ADCY5: variants seen among roughly 807,000 people sequenced by gnomAD.
The protein encoded by ADCY5 is adenylate cyclase type 5.
Under a neutral mutation model 119.7 loss-of-function variants are expected in ADCY5, and 30 were observed. The observed-to-expected ratio is 0.25, with a 90% CI of 0.19 to 0.34. The LOEUF (loss-of-function observed/expected upper bound fraction) is 0.34, where lower values mean the gene tolerates loss of function less well. Ranked by LOEUF, ADCY5 falls within the 10% of genes least tolerant of loss-of-function variation. ADCY5 has a pLI of 1.00. For synonymous variants in ADCY5, 753 were observed against 762.2 expected (o/e 0.99, Z 0.20); for missense variants, 1,324 against 1,775.2 (o/e 0.75, Z 4.57).
intron 1 of ADCY5, among the ~76,000 whole-genome samples, chr3:123,447,189 G>C (rs1416026888): frequency 6.6e-6 from 1 of 152,202 alleles, no homozygotes; most frequent in African/African-American, 2.4e-5. Context: ...CGTTATCTAA[G>C]GGGCAAGGAA....
At chr3:123,358,793 C>G (rs1050234195) in intron 1 of ADCY5, among the ~76,000 whole-genome samples, 3 of 152,190 alleles carry the variant, frequency 2.0e-5, no homozygotes, top group African/African-American at 7.2e-5. Context: ...CCCAGCACTT[C>G]TGAAACCCAA....
intron 1 of ADCY5, among the ~76,000 whole-genome samples, chr3:123,427,282 G>T (rs1240526958): frequency 6.6e-6 from 1 of 152,084 alleles, no homozygotes; most frequent in African/African-American, 2.4e-5. Context: ...TCACAGGTGG[G>T]ACCATATCTA....
chr3:123,343,299 C>T (rs1182311101), intron 3 of ADCY5, among the ~76,000 whole-genome samples: 2 of 152,202 alleles, frequency 1.3e-5, no homozygotes, highest in Admixed American at 1.3e-4. Context: ...GTGGTCCCCA[C>T]TGATGAGGCA....
chr3:123,428,404 A>C (rs1442418473), intron 1 of ADCY5, among the ~76,000 whole-genome samples: 1 of 152,140 alleles, frequency 6.6e-6, no homozygotes, highest in Non-Finnish European at 1.5e-5. Context: ...GGCTGTTGAC[A>C]TAGGTTCTGC....
chr3:123,429,114 T>C (rs561533969), intron 1 of ADCY5, among the ~76,000 whole-genome samples: 2 of 152,342 alleles, frequency 1.3e-5, no homozygotes, highest in East Asian at 1.9e-4. Flanking sequence ...CTGCGTGTCA[T>C]AAATGATAGG....
At chr3:123,356,837 C>G (rs1414098353) in intron 1 of ADCY5, among the ~76,000 whole-genome samples, 2 of 151,938 alleles carry the variant, frequency 1.3e-5, no homozygotes, top group African/African-American at 2.4e-5. Context: ...CCAGCAACCT[C>G]ACTCTTAGGT....
rs1559860739 is a variant in ADCY5, at chr3:123,396,807, CAGGCAGGCAGGCGAGA to C, written c.1135-44242_1135-44227del. On this transcript the variant is annotated intron_variant, in intron 1 of 20. Transcript: ENST00000462833. ...GCAGGCAGGCAGGCAGGCAGGCAGG[CAGGCAGGCAGGCGAGA>C]GAGAGAGAGAGAGAGAGAGACAGAG... Among the ~76,000 whole-genome samples, 77 of 84,676 alleles carry C rather than the reference CAGGCAGGCAGGCGAGA, an allele frequency of 9.1e-4. 2 individuals are homozygous for C. Among genetic ancestry groups the C allele is most frequent in the South Asian group, 4.3e-4 (1 of 2,338 alleles). The allele number at this position is 84,676 out of a possible 152,430, so 55.6% of individuals were successfully genotyped here. A position where few individuals can be genotyped will look rare whatever the true frequency, so the allele number is the denominator to read the frequency against.
intron 17 of ADCY5, among the ~76,000 whole-genome samples, chr3:123,291,744 AAC>A (rs1315606029): frequency 6.6e-6 from 1 of 152,090 alleles, no homozygotes. Context: ...AAGGATCCAA[AAC>A]ACAGCCCACA....
rs139075936 is a variant in ADCY5, at chr3:123,442,217, T to G, written c.1134+5195A>C. Among the ~76,000 whole-genome samples the G allele has an allele frequency of 7.2e-5, 11 of 152,266 alleles. No individual in the cohort carries two copies. The East Asian group carries it at 2.1e-3, about 29-fold the overall frequency. On this transcript the variant is annotated intron_variant, in intron 1 of 20. Coordinates refer to ENST00000462833, the MANE Select transcript of ADCY5 (RefSeq NM_183357.3). ...ACAGGCTACACTCCTGGGAAACACA[T>G]GACGGCAGGTTGCACCCACCACCAA...
intron 16 of ADCY5, chr3:123,296,969 G>A: frequency 6.5e-7 from 1 of 1,535,078 alleles, no homozygotes; most frequent in South Asian, 1.2e-5. Flanking sequence ...CACAAGCACT[G>A]CAGCCCTCGC....
At chr3:123,310,149 C>CACACACACAG (rs1031301955) in intron 12 of ADCY5, among the ~76,000 whole-genome samples, 154 of 147,824 alleles carry the variant, frequency 1.0e-3, no homozygotes, top group African/African-American at 3.7e-3. Context: ...CACACACACA[C>CACACACACAG]AGCTACGCAG....
chr3:123,361,347 A>G (rs1461448744), intron 1 of ADCY5, among the ~76,000 whole-genome samples: 1 of 152,224 alleles, frequency 6.6e-6, no homozygotes, highest in East Asian at 1.9e-4. Context: ...CACATACCAT[A>G]AAATGCACTC....
intron 1 of ADCY5, among the ~76,000 whole-genome samples, chr3:123,355,110 A>G (rs906574367): frequency 3.3e-5 from 5 of 152,226 alleles, no homozygotes; most frequent in African/African-American, 1.2e-4. Flanking sequence ...AGCCTATGCA[A>G]TCAGACAAGA....
chr3:123,427,106 T>C (rs566213642), intron 1 of ADCY5, among the ~76,000 whole-genome samples: 1 of 152,220 alleles, frequency 6.6e-6, no homozygotes, highest in South Asian at 2.1e-4. Flanking sequence ...AAGACACTAA[T>C]AGGCAGATGC....
intron 1 of ADCY5, among the ~76,000 whole-genome samples, chr3:123,401,892 G>C (rs145245272): frequency 6.6e-6 from 1 of 152,232 alleles, no homozygotes; most frequent in Admixed American, 6.5e-5. Flanking sequence ...ATGACTCCAC[G>C]GTGCCTGTCC....
At chr3:123,378,934 T>C (rs988201464) in intron 1 of ADCY5, among the ~76,000 whole-genome samples, 11 of 152,174 alleles carry the variant, frequency 7.2e-5, no homozygotes, top group South Asian at 4.1e-4. Context: ...TTATTATAGA[T>C]GGAGAATGTC....
At position 123,332,557 on chromosome 3, in the gene ADCY5, G is replaced by T. The variant is rs1238355744; in HGVS notation, c.1518+7C>A. On this transcript the variant is annotated splice_region_variant and intron_variant, in intron 4 of 20. Coordinates refer to ENST00000462833, the MANE Select transcript of ADCY5 (RefSeq NM_183357.3). The stretch of plus-strand genomic sequence containing the variant: ...GCCACCCCAACCCCCGGCTCAGGGT[G>T]ACTCACTGCGGCCAGCTTGTCAAAG... 1 of 1,606,566 alleles carries T rather than the reference G, an allele frequency of 6.2e-7. No homozygotes were observed.
chr3:123,374,188 G>A (rs1453262999), intron 1 of ADCY5, among the ~76,000 whole-genome samples: 3 of 152,082 alleles, frequency 2.0e-5, no homozygotes, highest in African/African-American at 7.2e-5. Flanking sequence ...GGGTGTGGAG[G>A]GGAAACTTTT....
chr3:123,288,159 A>C (rs1938905545), intron 19 of ADCY5, among the ~76,000 whole-genome samples: 1 of 152,206 alleles, frequency 6.6e-6, no homozygotes, highest in Non-Finnish European at 1.5e-5. Context: ...TGCCTATGGG[A>C]TAAAGCAAGC....
Sources: allele counts gnomAD v4.1 joint callset (sites outside exome capture counted in the v4.1 genomes callset), GRCh38; gene constraint gnomAD v4.1.1; transcripts MANE v1.5; gene names NCBI Gene and HGNC (gene_info 2026-07-23, HGNC 2026-07-21).